Variants in SOX5 observed in about 807,000 individuals in gnomAD.
The protein encoded by SOX5 is SRY-box transcription factor 5.
Under a neutral mutation model 92.0 loss-of-function variants are expected in SOX5, and 9 were observed. The observed-to-expected ratio is 0.10, with a 90% confidence interval of 0.06 to 0.17. SOX5 has a LOEUF of 0.17. Among genes scored for constraint, SOX5 ranks in the 10% least tolerant of loss-of-function variants. SOX5 has a pLI of 1.00. For synonymous variants in SOX5, 344 were observed against 336.3 expected (o/e 1.02, Z -0.25); for missense variants, 642 against 944.5 (o/e 0.68, Z 4.20).
chr12:23,944,672 T>C (rs1433844812), intron 1 of SOX5, among the ~76,000 whole-genome samples: 1 of 152,112 alleles, frequency 6.6e-6, no homozygotes, highest in Non-Finnish European at 1.5e-5. Flanking sequence ...AATTTCACAT[T>C]TAATACAAAT....
intron 3 of SOX5, 145 bp from the exon 4 acceptor site, chr12:23,755,869 G>A: frequency 3.8e-6 from 2 of 531,992 alleles, no homozygotes; most frequent in Non-Finnish European, 6.6e-6. Flanking sequence ...TAACAGGGGT[G>A]GAAAAAAAGA....
chr12:24,555,028 G>C (rs1185068516), intron 1 of SOX5, among the ~76,000 whole-genome samples: 2 of 152,210 alleles, frequency 1.3e-5, no homozygotes, highest in Non-Finnish European at 2.9e-5. Context: ...GCTGACAATC[G>C]AAGGACTGCT....
At chr12:24,158,432 C>T (rs894086208) in intron 4 of SOX5, among the ~76,000 whole-genome samples, 2 of 151,780 alleles carry the variant, frequency 1.3e-5, no homozygotes, top group Non-Finnish European at 2.9e-5. Flanking sequence ...AGAATGAATA[C>T]ATATTTGAAA....
chr12:24,252,466 A>T (rs1940285595), intron 3 of SOX5, among the ~76,000 whole-genome samples: 1 of 152,100 alleles, frequency 6.6e-6, no homozygotes, highest in African/African-American at 2.4e-5. Flanking sequence ...TTGGTGAATT[A>T]AAATGGAAAA....
At chr12:23,729,760 A>T (rs2093320183) in intron 6 of SOX5, among the ~76,000 whole-genome samples, 1 of 152,212 alleles carries the variant, frequency 6.6e-6, no homozygotes, top group African/African-American at 2.4e-5. Flanking sequence ...GTTGAAAAGA[A>T]GTACAGTATC....
chr12:23,647,740 C>T (rs1203579943), intron 7 of SOX5, among the ~76,000 whole-genome samples: 1 of 152,206 alleles, frequency 6.6e-6, no homozygotes, highest in Non-Finnish European at 1.5e-5. Context: ...CTGCAGCTTT[C>T]TCATCTCTCT....
At chr12:24,476,110 G>A (rs574937986) in intron 1 of SOX5, among the ~76,000 whole-genome samples, 102 of 152,322 alleles carry the variant, frequency 6.7e-4, no homozygotes, top group African/African-American at 2.3e-3. Context: ...CATGGTGTGG[G>A]GACCACTGTC....
chr12:24,082,520 T>G (rs1192487458), intron 4 of SOX5, among the ~76,000 whole-genome samples: 1 of 151,608 alleles, frequency 6.6e-6, no homozygotes, highest in Non-Finnish European at 1.5e-5. Flanking sequence ...AATTAAGATT[T>G]TGATTTTAAT....
At chr12:23,916,668 G>A (rs2097420687) in intron 1 of SOX5, among the ~76,000 whole-genome samples, 1 of 152,124 alleles carries the variant, frequency 6.6e-6, no homozygotes. Context: ...TGTTTTAATT[G>A]CAAACATTGG....
chr12:24,317,302 AT>A (rs1025300753), intron 2 of SOX5, among the ~76,000 whole-genome samples: 8 of 152,324 alleles, frequency 5.3e-5, no homozygotes, highest in Admixed American at 3.3e-4. Context: ...AAGACTTGCA[AT>A]TTTTTGAACA....
intron 2 of SOX5, among the ~76,000 whole-genome samples, chr12:23,864,972 G>A (rs1008163789): frequency 1.3e-5 from 2 of 152,168 alleles, no homozygotes; most frequent in Non-Finnish European, 2.9e-5. Flanking sequence ...TGGCTTCGAC[G>A]CTTCAAACAA....
intron 1 of SOX5, among the ~76,000 whole-genome samples, chr12:23,938,806 A>G (rs1943093479): frequency 6.6e-6 from 1 of 151,098 alleles, no homozygotes. Context: ...CCTGGGATCA[A>G]TAATCATAAG....
chr12:23,974,526 CATAG>C (rs1204870990), intron 4 of SOX5, among the ~76,000 whole-genome samples: 1 of 152,100 alleles, frequency 6.6e-6, no homozygotes, highest in African/African-American at 2.4e-5. Flanking sequence ...AAGGAATCAG[CATAG>C]ATAAAGTCAT....
At chr12:24,376,672 A>T in intron 1 of SOX5, among the ~76,000 whole-genome samples, 1 of 125,702 alleles carries the variant, frequency 8.0e-6, no homozygotes, top group Non-Finnish European at 1.6e-5. Flanking sequence ...TTTCAGAATG[A>T]TGCTATGGGA....
chr12:23,610,405 A>G (rs2075805324), intron 8 of SOX5, among the ~76,000 whole-genome samples: 1 of 152,170 alleles, frequency 6.6e-6, no homozygotes, highest in Non-Finnish European at 1.5e-5. Context: ...ATATCTATCA[A>G]GATTTATTGC....
intron 1 of SOX5, among the ~76,000 whole-genome samples, chr12:24,399,006 C>A (rs1960800680): frequency 6.6e-6 from 1 of 152,042 alleles, no homozygotes. Context: ...AAAATAGAAC[C>A]CACTTAATTT....
chr12:23,780,282 T>C (rs2095248466), intron 3 of SOX5, among the ~76,000 whole-genome samples: 1 of 151,990 alleles, frequency 6.6e-6, no homozygotes, highest in Non-Finnish European at 1.5e-5. Flanking sequence ...ACTACAGATT[T>C]ATACACATCA....
intron 1 of SOX5, among the ~76,000 whole-genome samples, chr12:24,372,597 G>T (rs553073993): frequency 6.6e-6 from 1 of 152,246 alleles, no homozygotes; most frequent in East Asian, 1.9e-4. Flanking sequence ...AAAGATACAT[G>T]TGCATGTGTC....
intron 2 of SOX5, among the ~76,000 whole-genome samples, chr12:24,364,543 T>TATATATAC (rs1491466882): frequency 7.3e-6 from 1 of 137,470 alleles, no homozygotes; most frequent in Non-Finnish European, 1.6e-5. Context: ...TATATATATA[T>TATATATAC]ACACGAATAA....
Sources: allele counts gnomAD v4.1 joint callset (sites outside exome capture counted in the v4.1 genomes callset), GRCh38; gene constraint gnomAD v4.1.1; transcripts MANE v1.5; gene names NCBI Gene and HGNC (gene_info 2026-07-23, HGNC 2026-07-21).